NCALD: variants seen among roughly 807,000 people sequenced by gnomAD.
The protein encoded by NCALD is neurocalcin-delta.
In NCALD, 10 loss-of-function variants were observed where a neutral mutation model predicts 18.6. That is an observed-to-expected ratio of 0.54 (90% CI 0.33 to 0.91). The LOEUF (loss-of-function observed/expected upper bound fraction) is 0.91. Among genes scored for constraint, NCALD ranks in the 40% least tolerant of loss-of-function variants. The pLI is 0.03. For missense variants in NCALD, 184 were observed against 247.6 expected, an observed-to-expected ratio of 0.74 and a Z score of 1.72; for synonymous variants, 88 against 87.4, an observed-to-expected ratio of 1.01 and a Z score of -0.04.
chr8:101,692,603 G>C (rs1814780306), intron 3 of NCALD, 188 bp downstream of exon 3: 1 of 984,460 alleles, frequency 1.0e-6, no homozygotes, highest in Non-Finnish European at 1.2e-6. Flanking sequence ...CTAGAAATAA[G>C]GCATTTCCCC....
rs776307031 is a variant in NCALD, at chr8:101,689,086, C to T, written c.*223G>A. 2.7e-5 allele frequency: 19 copies of T among 703,198 alleles called. No homozygotes were observed. Among genetic ancestry groups the T allele is most frequent in the Admixed American group, 2.2e-4 (11 of 49,984 alleles). 43.6% of individuals were successfully genotyped at this position (703,198 alleles called of 1,614,324 possible). On this transcript the variant is annotated 3_prime_UTR_variant, in exon 4 of 4. Coordinates refer to ENST00000220931, the MANE Select transcript of NCALD (RefSeq NM_032041.3). The surrounding 1 kb of genome is among the most constrained non-coding windows in gnomAD (Gnocchi z 4.4). ...AAAAATCATCAAACAATGAACACCA[C>T]GAAGTCTGTCCATGCTCTCCACAAG...
At chr8:102,059,677 T>C (rs1264528613) in intron 1 of NCALD, among the ~76,000 whole-genome samples, 1 of 152,268 alleles carries the variant, frequency 6.6e-6, no homozygotes, top group Non-Finnish European at 1.5e-5. Context: ...ATTGAGTATT[T>C]AATGATCTCA....
chr8:102,059,512 C>G (rs900647804), intron 1 of NCALD, among the ~76,000 whole-genome samples: 1 of 152,172 alleles, frequency 6.6e-6, no homozygotes, highest in African/African-American at 2.4e-5. Context: ...GACTGGAATT[C>G]TGAAAGACGT....
intron 2 of NCALD, among the ~76,000 whole-genome samples, chr8:102,001,952 G>T (rs908513123): frequency 2.0e-5 from 3 of 152,216 alleles, no homozygotes; most frequent in Non-Finnish European, 2.9e-5. Context: ...TAGAGGCTAG[G>T]AAGAAACTAC....
chr8:101,780,967 T>C (rs1811988992), intron 1 of NCALD, among the ~76,000 whole-genome samples: 1 of 152,170 alleles, frequency 6.6e-6, no homozygotes, highest in African/African-American at 2.4e-5. Context: ...TTGGCTATAA[T>C]CCGTAGGCTG....
At chr8:102,080,229 C>A (rs1479251513) in intron 1 of NCALD, among the ~76,000 whole-genome samples, 1 of 152,210 alleles carries the variant, frequency 6.6e-6, no homozygotes, top group Non-Finnish European at 1.5e-5. Context: ...CTTAAGAGTT[C>A]CATTATTCCG....
intron 4 of NCALD, among the ~76,000 whole-genome samples, chr8:101,884,015 A>G (rs755416373): frequency 1.3e-5 from 2 of 152,314 alleles, no homozygotes; most frequent in African/African-American, 2.4e-5. Flanking sequence ...ATTCTCTACT[A>G]AAGTCTTTCA....
intron 1 of NCALD, among the ~76,000 whole-genome samples, chr8:102,045,359 G>T (rs967231456): frequency 1.3e-5 from 2 of 152,150 alleles, no homozygotes; most frequent in Non-Finnish European, 2.9e-5. Flanking sequence ...AATGCACATA[G>T]CTCACAAATA....
chr8:102,018,813 C>T (rs934141740), intron 2 of NCALD, among the ~76,000 whole-genome samples: 1 of 151,964 alleles, frequency 6.6e-6, no homozygotes, highest in African/African-American at 2.4e-5. Flanking sequence ...TGGATCTTCA[C>T]GTGGAAAAAA....
At chr8:102,077,098 T>C (rs1362615087) in intron 1 of NCALD, among the ~76,000 whole-genome samples, 2 of 152,134 alleles carry the variant, frequency 1.3e-5, no homozygotes, top group African/African-American at 4.8e-5. Context: ...AATTAAGTAA[T>C]GTTCTCTATT....
At chr8:101,699,314 GA>G (rs1426734101) in intron 2 of NCALD, among the ~76,000 whole-genome samples, 1 of 152,170 alleles carries the variant, frequency 6.6e-6, no homozygotes, top group Non-Finnish European at 1.5e-5. Flanking sequence ...CTGTTGGTGG[GA>G]ACATAAATTA....
rs149359205 is a variant in NCALD, at chr8:101,744,668, C to T, written c.-19-25020G>A. ...TCAGGCAAACTACCTATGGAAATTTCTACTAAGCACGTGTCCCTGCCATGG... is the reference window on the plus strand; with the variant it reads ...TCAGGCAAACTACCTATGGAAATTTTTACTAAGCACGTGTCCCTGCCATGG... On this transcript the variant is annotated intron_variant, in intron 1 of 3. Coordinates refer to ENST00000220931, the MANE Select transcript of NCALD (RefSeq NM_032041.3). 5.3e-5 allele frequency among the ~76,000 whole-genome samples: 8 copies of T among 152,266 alleles called. No homozygotes were observed. The East Asian group carries it at 1.2e-3, about 22-fold the overall frequency.
chr8:101,942,775 T>C (rs941777574), intron 2 of NCALD, among the ~76,000 whole-genome samples: 2 of 152,194 alleles, frequency 1.3e-5, no homozygotes, highest in African/African-American at 4.8e-5. Context: ...TTCATTAGCT[T>C]TCCCAAGGTC....
intron 1 of NCALD, among the ~76,000 whole-genome samples, chr8:102,075,565 T>C (rs893387639): frequency 1.3e-5 from 2 of 152,238 alleles, no homozygotes. Context: ...TCCTTTATAG[T>C]TCTCCCTTCT....
chr8:101,708,709 G>A (rs1381133695), intron 2 of NCALD, among the ~76,000 whole-genome samples: 1 of 152,138 alleles, frequency 6.6e-6, no homozygotes, highest in East Asian at 1.9e-4. Flanking sequence ...AGGGCATGTA[G>A]GTACTAAGGG....
At chr8:101,879,042 T>C (rs1816351772) in intron 4 of NCALD, among the ~76,000 whole-genome samples, 1 of 152,236 alleles carries the variant, frequency 6.6e-6, no homozygotes, top group African/African-American at 2.4e-5. Flanking sequence ...TCAATAAACT[T>C]CTACAGGAGC....
chr8:101,851,713 T>C (rs1246997302), intron 4 of NCALD, among the ~76,000 whole-genome samples: 3 of 152,040 alleles, frequency 2.0e-5, no homozygotes, highest in Non-Finnish European at 2.9e-5. Context: ...ATCCTTTGGG[T>C]TAGCATTGAT....
At chr8:101,731,529 C>T (rs1268331569) in intron 1 of NCALD, among the ~76,000 whole-genome samples, 1 of 152,124 alleles carries the variant, frequency 6.6e-6, no homozygotes, top group African/African-American at 2.4e-5. Flanking sequence ...CTCCCCGCCC[C>T]CCATGGTCTG....
chr8:102,023,909 C>T (rs540665003), intron 1 of NCALD, among the ~76,000 whole-genome samples: 1 of 152,252 alleles, frequency 6.6e-6, no homozygotes, highest in African/African-American at 2.4e-5. Context: ...AATGCCCCAA[C>T]CATAAAAGGA....
Sources: gnomAD v4.1 joint callset for allele counts (sites outside exome capture counted in the v4.1 genomes callset) on GRCh38, gnomAD v4.1.1 for gene constraint, Gnocchi (gnomAD v3.1) non-coding constraint, MANE v1.5 for transcripts, NCBI Gene and HGNC (gene_info 2026-07-23, HGNC 2026-07-21) for gene names.